Variants in TPRG1 observed in about 807,000 individuals in gnomAD.
TPRG1 encodes tumor protein p63-regulated gene 1 protein.
A neutral mutation model predicts 29.3 loss-of-function variants in TPRG1; 29 were observed. That is an observed-to-expected ratio of 0.99 (90% CI 0.74 to 1.35). The LOEUF is 1.35. Ranked by LOEUF, TPRG1 falls within the 40% of genes most tolerant of loss-of-function variation. The pLI, the probability that TPRG1 is intolerant of heterozygous loss-of-function variation, is 0.00. For missense variants in TPRG1, 327 were observed against 335.0 expected (o/e 0.98, Z 0.19); for synonymous variants, 130 against 116.8 (o/e 1.11, Z -0.73).
intron 1 of TPRG1, among the ~76,000 whole-genome samples, chr3:189,107,137 C>G (rs1185085072): frequency 6.6e-6 from 1 of 151,910 alleles, no homozygotes; most frequent in African/African-American, 2.4e-5. Flanking sequence ...GCTGAAGGTA[C>G]AGATATTTCC....
In TPRG1 at chr3:189,238,789, T is replaced by C. The variant is rs753988747; in HGVS notation, c.359T>C (p.Leu120Pro). The change falls in exon 4 of 6, where the codon CTC becomes CCC. Residue 120 changes from leucine to proline, a missense_variant. By Grantham distance (98) the Leu-to-Pro change is moderately conservative (BLOSUM62 -3). Transcript: ENST00000345063. ...ERILLVTDKT[L>P]LICKYDFIML... ...ATTCTACTGGTCACAGACAAGACTC[T>C]CTTGATCTGCAAATACGACTTCATC... is the stretch of plus-strand genomic sequence containing the variant. The C allele has an allele frequency of 9.3e-6, 15 of 1,613,690 alleles. No individual in the cohort carries two copies. Among genetic ancestry groups the C allele is most frequent in the Non-Finnish European group, 5.9e-6 (7 of 1,179,772 alleles).
upstream of TPRG1, among the ~76,000 whole-genome samples, chr3:189,099,368 A>C (rs1658833958): frequency 6.6e-6 from 1 of 152,078 alleles, no homozygotes; most frequent in Non-Finnish European, 1.5e-5. Context: ...TTTGGTTCCC[A>C]AATGGCACCC....
chr3:189,273,181 G>T (rs1715521513), intron 4 of TPRG1, among the ~76,000 whole-genome samples: 1 of 152,280 alleles, frequency 6.6e-6, no homozygotes, highest in African/African-American at 2.4e-5. Flanking sequence ...ACAGAATCAA[G>T]AATCTATTTA....
chr3:189,004,725 C>T (rs1712197791), exon 3 of TPRG1: 1 of 152,130 alleles, frequency 6.6e-6, no homozygotes. Context: ...CTTCCTCCCT[C>T]CGACTCAAAT....
At chr3:189,155,891 T>A (rs529995131) in intron 5 of TPRG1, among the ~76,000 whole-genome samples, 4 of 152,186 alleles carry the variant, frequency 2.6e-5, no homozygotes, top group Admixed American at 1.3e-4. Flanking sequence ...GCAGGATGAA[T>A]AAGTTTGGAG....
intron 4 of TPRG1, among the ~76,000 whole-genome samples, chr3:189,056,432 C>T (rs532943073): frequency 6.6e-6 from 1 of 152,154 alleles, no homozygotes; most frequent in East Asian, 1.9e-4. Context: ...TTCTCTCCCC[C>T]TTATTTGTGT....
At chr3:189,026,264 A>T (rs1174743927) in intron 4 of TPRG1, among the ~76,000 whole-genome samples, 1 of 152,204 alleles carries the variant, frequency 6.6e-6, no homozygotes, top group South Asian at 2.1e-4. Flanking sequence ...AGAGAGAGAC[A>T]GTGAGAAAAC....
chr3:189,124,540 T>TTGTGTATGTGTG (rs75399094), intron 1 of TPRG1, among the ~76,000 whole-genome samples: 2 of 149,962 alleles, frequency 1.3e-5, no homozygotes, highest in African/African-American at 4.9e-5. Context: ...ACAAAGGACT[T>TTGTGTATGTGTG]TGTGTGTGTG....
intron 4 of TPRG1, among the ~76,000 whole-genome samples, chr3:189,266,459 T>C (rs1323844674): frequency 6.6e-6 from 1 of 152,164 alleles, no homozygotes; most frequent in African/African-American, 2.4e-5. Flanking sequence ...GGCCTGTTAC[T>C]CTGTGACAAA....
At chr3:189,090,357 T>A (rs949563327) in intron 4 of TPRG1, among the ~76,000 whole-genome samples, 1 of 152,162 alleles carries the variant, frequency 6.6e-6, no homozygotes, top group East Asian at 1.9e-4. Flanking sequence ...CTCTGATCTA[T>A]ACGTAATTTT....
intron 4 of TPRG1, among the ~76,000 whole-genome samples, chr3:189,056,548 A>G (rs2152142178): frequency 6.6e-6 from 1 of 152,314 alleles, no homozygotes; most frequent in Non-Finnish European, 1.5e-5. Context: ...AAAGTAATCA[A>G]TCTCTCCATG....
In TPRG1 at chr3:189,321,860, G is replaced by C. The variant is rs1002643611; in HGVS notation, c.*1040G>C. On this transcript the variant is annotated 3_prime_UTR_variant, in exon 6 of 6. Coordinates refer to ENST00000345063, the MANE Select transcript of TPRG1 (RefSeq NM_198485.4). ...GGCATCTTTCTTTCTAGGCCTCAGAGGTGCTGCATATGGAATGTCCATGGA... is the reference window on the plus strand; with the variant it reads ...GGCATCTTTCTTTCTAGGCCTCAGACGTGCTGCATATGGAATGTCCATGGA... 1 of 152,096 alleles carries C rather than the reference G, an allele frequency of 6.6e-6. No individual in the cohort carries two copies. The highest frequency in any genetic ancestry group is 2.4e-5 in the African/African-American group (1 of 41,410). 9.4% of individuals were successfully genotyped at this position (152,096 alleles called of 1,614,324 possible). A position where few individuals can be genotyped will look rare whatever the true frequency, so the allele number is the denominator to read the frequency against.
chr3:189,140,167 C>T (rs143315344), intron 3 of TPRG1, among the ~76,000 whole-genome samples: 233 of 152,336 alleles, frequency 1.5e-3, no homozygotes, highest in African/African-American at 5.4e-3. Flanking sequence ...TCACCAGATA[C>T]ACTTGAGACT....
chr3:189,193,132 A>ATTTTTTTTTTTTTTTTTTTTTTTTTT (rs555964454), intron 1 of TPRG1, among the ~76,000 whole-genome samples: 1 of 90,268 alleles, frequency 1.1e-5, no homozygotes. Context: ...TTGACTTTTA[A>ATTTTTTTTTTTTTTTTTTTTTTTTTT]TTTTTTTTTT....
At chr3:189,053,816 T>G (rs765210827) in intron 4 of TPRG1, among the ~76,000 whole-genome samples, 8 of 152,294 alleles carry the variant, frequency 5.3e-5, no homozygotes, top group Middle Eastern at 3.4e-3. Context: ...CCCTTGTGTT[T>G]TGGTAACAAG....
chr3:189,157,979 C>T (rs1388670442), intron 5 of TPRG1, among the ~76,000 whole-genome samples: 1 of 152,190 alleles, frequency 6.6e-6, no homozygotes, highest in Non-Finnish European at 1.5e-5. Context: ...TTAGCAAGTG[C>T]ATCCTTTTAG....
intron 3 of TPRG1, among the ~76,000 whole-genome samples, chr3:189,018,772 T>G (rs1224294023): frequency 2.7e-5 from 4 of 150,072 alleles, no homozygotes; most frequent in East Asian, 3.9e-4. Context: ...GTGAAGAAAG[T>G]CATTGGTAGC....
intron 4 of TPRG1, among the ~76,000 whole-genome samples, chr3:189,049,711 A>G (rs561691900): frequency 6.6e-6 from 1 of 152,284 alleles, no homozygotes; most frequent in South Asian, 2.1e-4. Context: ...TAGAGCATTA[A>G]ACCACCAAAG....
At chr3:189,183,241 A>G (rs1578704962) in intron 1 of TPRG1, among the ~76,000 whole-genome samples, 1 of 152,160 alleles carries the variant, frequency 6.6e-6, no homozygotes, top group African/African-American at 2.4e-5. Flanking sequence ...CAGAACCAGC[A>G]AGTTTTTATT....
Sources: allele counts gnomAD v4.1 joint callset (sites outside exome capture counted in the v4.1 genomes callset), GRCh38; gene constraint gnomAD v4.1.1; transcripts MANE v1.5; gene names NCBI Gene and HGNC (gene_info 2026-07-23, HGNC 2026-07-21).